The following CEP126 variants were observed in gnomAD, a reference collection of about 807,000 sequenced individuals.
The protein encoded by CEP126 is centrosomal protein of 126 kDa.
A neutral mutation model predicts 107.8 loss-of-function variants in CEP126; 74 were observed. The observed-to-expected ratio is 0.69, with a 90% CI of 0.57 to 0.83. CEP126 has a LOEUF of 0.83. Among genes scored for constraint, CEP126 ranks in the 40% least tolerant of loss-of-function variants. The probability of loss-of-function intolerance (pLI) is 0.00; values close to 1 mark genes in which losing one functional copy is unlikely to be tolerated. For synonymous variants in CEP126, 449 were observed against 446.0 expected (o/e 1.01, Z -0.08); for missense variants, 1,237 against 1,281.9 (o/e 0.96, Z 0.53).
At chr11:101,946,430 C>T (rs1940737341) in intron 3 of CEP126, among the ~76,000 whole-genome samples, 1 of 151,886 alleles carries the variant, frequency 6.6e-6, no homozygotes, top group Non-Finnish European at 1.5e-5. Flanking sequence ...GTTGCTTGAG[C>T]CAAGGAAGCG....
intron 3 of CEP126, among the ~76,000 whole-genome samples, chr11:101,946,857 C>CA (rs910388078): frequency 4.7e-5 from 7 of 149,678 alleles, no homozygotes; most frequent in Admixed American, 1.3e-4. Context: ...GCAAGACTCT[C>CA]AAAAAAAAAT....
chr11:101,973,937 A>G (rs898954212), intron 6 of CEP126, among the ~76,000 whole-genome samples: 30 of 152,102 alleles, frequency 2.0e-4, no homozygotes, highest in African/African-American at 6.5e-4. Flanking sequence ...TACATATTGT[A>G]TATACAGATC....
Position 101,961,076 on chromosome 11 carries a change from G to A in CEP126, c.706-665G>A, listed in dbSNP as rs555450638. Among the ~76,000 whole-genome samples, 12 of 152,098 alleles carry A rather than the reference G, an allele frequency of 7.9e-5. No homozygotes were observed. The South Asian group carries it at 1.5e-3, about 18-fold the overall frequency. On this transcript the variant is annotated intron_variant, in intron 5 of 10. Coordinates refer to ENST00000263468, the MANE Select transcript of CEP126 (RefSeq NM_020802.4). ...TTACTACTATGCTAAACCTCCAAAA[G>A]GAGTCATTAAAGTCAATAGTTTTTG...
At chr11:101,982,123 C>T (rs912061799) in intron 8 of CEP126, among the ~76,000 whole-genome samples, 159 bp downstream of exon 8, 1 of 152,060 alleles carries the variant, frequency 6.6e-6, no homozygotes, top group African/African-American at 2.4e-5. Context: ...TGTCAGTGTT[C>T]CTTTATTCTA....
chr11:101,923,114 G>A lies in CEP126; in HGVS notation c.248+354G>A, dbSNP rs142578035. Among the ~76,000 whole-genome samples the A allele has an allele frequency of 8.0e-3, 1,220 of 151,948 alleles. 20 individuals are homozygous for A. Among genetic ancestry groups the A allele is most frequent in the African/African-American group, 0.028 (1,160 of 41,450 alleles). ...TTACCAATTAATATTTAGTCTTTTG[G>A]TATATAGTTTGAGTTTAATTTGTTA... On this transcript the variant is annotated intron_variant, in intron 2 of 10. Transcript: ENST00000263468.
Position 101,992,777 on chromosome 11 carries a change from G to T in CEP126, c.3245-1G>T. On this transcript the variant is annotated splice_acceptor_variant, in intron 9 of 10. Coordinates refer to ENST00000263468, the MANE Select transcript of CEP126 (RefSeq NM_020802.4). LOFTEE classifies it high-confidence loss of function. ...TTGGTATTGTGATATAATTATTTCA[G>T]ATATACAAGAATCCATTTGCAAAAA... 7.0e-7 allele frequency: 1 copy of T among 1,419,246 alleles called. No homozygotes were observed. Among genetic ancestry groups the T allele is most frequent in the Non-Finnish European group, 9.6e-7 (1 of 1,040,362 alleles). 87.9% of individuals were successfully genotyped at this position (1,419,246 alleles called of 1,614,324 possible).
chr11:101,931,324 T>C (rs1940496126), intron 2 of CEP126, among the ~76,000 whole-genome samples: 1 of 152,196 alleles, frequency 6.6e-6, no homozygotes, highest in Admixed American at 6.5e-5. Flanking sequence ...TGTCGTCTTT[T>C]CCAGTCAAGT....
intron 2 of CEP126, among the ~76,000 whole-genome samples, chr11:101,939,054 A>G (rs775689441): frequency 3.3e-5 from 5 of 152,112 alleles, no homozygotes; most frequent in Non-Finnish European, 7.4e-5. Flanking sequence ...ATAAATTATT[A>G]CTGTTCTATA....
At position 101,997,119 on chromosome 11, in the gene CEP126, C is replaced by T. The variant is rs1239363401; in HGVS notation, c.3310-480C>T. On this transcript the variant is annotated intron_variant, in intron 10 of 10. Coordinates refer to ENST00000263468, the MANE Select transcript of CEP126 (RefSeq NM_020802.4). ...GTGGAGCAATCTCAGCTTACTGCAA[C>T]CTCCGCCTCCCAGGTTCAAGGGATT... Among the ~76,000 whole-genome samples, 10 of 152,286 alleles carry T rather than the reference C, an allele frequency of 6.6e-5. No individual in the cohort carries two copies. The East Asian group carries it at 1.7e-3, about 26-fold the overall frequency.
chr11:101,962,473 A>G lies in CEP126; in HGVS notation c.1438A>G (p.Ile480Val). 2 of 1,613,424 alleles carry G rather than the reference A, an allele frequency of 1.2e-6. No homozygotes were observed. Among genetic ancestry groups the G allele is most frequent in the Non-Finnish European group, 1.7e-6 (2 of 1,179,768 alleles). ...QSARPSAKNSIHIKEIDAVQC... is the reference protein window; with the variant it reads ...QSARPSAKNSVHIKEIDAVQC... ...AGCTAGACCTTCAGCAAAGAACAGT[A>G]TACACATAAAAGAAATTGATGCAGT... The change falls in exon 6 of 11, where the codon ATA becomes GTA. Residue 480 changes from isoleucine to valine, a missense_variant. By Grantham distance (29) the Ile-to-Val change is conservative. This residue lies in a region of CEP126 where 1,134 missense variants were observed against 1,150.5 expected (regional missense o/e 0.99). Coordinates refer to ENST00000263468, the MANE Select transcript of CEP126 (RefSeq NM_020802.4).
rs1940174684 is a variant in CEP126, at chr11:101,915,210, CAGG to C, written c.-64_-62del. 2.0e-5 allele frequency: 31 copies of C among 1,587,928 alleles called. 1 individual carries two copies. In the South Asian group the frequency reaches 2.9e-4, roughly 15 times the overall value. On this transcript the variant is annotated 5_prime_UTR_variant, in exon 1 of 11. Coordinates refer to ENST00000263468, the MANE Select transcript of CEP126 (RefSeq NM_020802.4). ...AGACGGAGTGTAGGGAGGGGCCGAG[CAGG>C]AGGAGGAGGAAGCCGGAGCTGCCAT... is the stretch of plus-strand genomic sequence containing the variant.
At chr11:101,971,056 C>T (rs1036687504) in intron 6 of CEP126, among the ~76,000 whole-genome samples, 8 of 152,240 alleles carry the variant, frequency 5.3e-5, no homozygotes, top group Admixed American at 5.2e-4. Context: ...GTGCAACAGC[C>T]TCCCAGGCTC....
At position 101,961,970 on chromosome 11, in the gene CEP126, G is replaced by A; in HGVS notation, c.935G>A (p.Trp312Ter). ...TCTAAAACTCAACATATAAATAATT[G>A]GCTTACAAATTTAGATGCTTCAAAT... ...AFSKTQHINN[W>*]LTNLDASNTQ... The change falls in exon 6 of 11, where the codon TGG (tryptophan) becomes TAG (stop). Residue 312 changes from tryptophan to a stop codon, truncating the protein, a stop_gained. Transcript: ENST00000263468. LOFTEE classifies it high-confidence loss of function. The A allele has an allele frequency of 1.2e-6, 2 of 1,609,834 alleles. No individual in the cohort carries two copies. Among genetic ancestry groups the A allele is most frequent in the Non-Finnish European group, 1.7e-6 (2 of 1,177,958 alleles).
At chr11:101,935,497 T>G (rs1387036961) in intron 2 of CEP126, among the ~76,000 whole-genome samples, 1 of 152,112 alleles carries the variant, frequency 6.6e-6, no homozygotes, top group Non-Finnish European at 1.5e-5. Flanking sequence ...TCATCTCAAA[T>G]TATATGTGTG....
rs549081062 is a variant in CEP126, at chr11:101,948,037, G to A, written c.401G>A (p.Arg134Gln). The change falls in exon 4 of 11, where the codon CGA (arginine) becomes CAA (glutamine). Residue 134 changes from arginine (R) to glutamine (Q), a missense_variant. By Grantham distance (43) the Arg-to-Gln change is conservative (BLOSUM62 1). Coordinates refer to ENST00000263468, the MANE Select transcript of CEP126 (RefSeq NM_020802.4). ...PLSQRRKAVSRKPVPPLEEAL... is the reference protein window; with the variant it reads ...PLSQRRKAVSQKPVPPLEEAL... ...GTCTTTATTATCTCTTTAGTTTCCCGAAAACCAGTTCCTCCATTAGAAGAG... is the reference window on the plus strand; with the variant it reads ...GTCTTTATTATCTCTTTAGTTTCCCAAAAACCAGTTCCTCCATTAGAAGAG... 80 of 1,605,142 alleles carry A rather than the reference G, an allele frequency of 5.0e-5. No homozygotes were observed. Among genetic ancestry groups the A allele is most frequent in the South Asian group, 1.1e-4 (10 of 90,132 alleles).
intron 1 of CEP126, among the ~76,000 whole-genome samples, chr11:101,922,198 C>A (rs188447122): frequency 1.4e-5 from 2 of 140,508 alleles, no homozygotes. Context: ...GAGTCTTGCT[C>A]TTGTCACCCA....
chr11:101,996,982 A>T (rs1228772085), intron 10 of CEP126, among the ~76,000 whole-genome samples: 1 of 152,210 alleles, frequency 6.6e-6, no homozygotes, highest in Non-Finnish European at 1.5e-5. Flanking sequence ...AAAGAGCTTT[A>T]AATGCAGGTT....
intron 6 of CEP126, among the ~76,000 whole-genome samples, chr11:101,977,590 C>A (rs1470463978): frequency 7.0e-6 from 1 of 142,638 alleles, no homozygotes; most frequent in African/African-American, 2.6e-5. Context: ...GAGATCGCAC[C>A]ACTGCACTCC....
In CEP126 at chr11:101,998,477, A is replaced by C; in HGVS notation, c.*834A>C. ...GTAGTCCCAGCTACTTGGGGTGCTG[A>C]GGCGGGAGGATTACTTGAGCCCAGG... is the stretch of plus-strand genomic sequence containing the variant. On this transcript the variant is annotated 3_prime_UTR_variant, in exon 11 of 11. Transcript: ENST00000263468. 6.8e-6 allele frequency: 1 copy of C among 147,948 alleles called. No homozygotes were observed. The highest frequency in any genetic ancestry group is 2.2e-4 in the South Asian group (1 of 4,582). The allele number at this position is 147,948 out of a possible 1,614,324, so 9.2% of individuals were successfully genotyped here. A position where few individuals can be genotyped will look rare whatever the true frequency, so the allele number is the denominator to read the frequency against.
Sources: allele counts gnomAD v4.1 joint callset (sites outside exome capture counted in the v4.1 genomes callset), GRCh38; gene constraint gnomAD v4.1.1; regional missense constraint gnomAD v4.1.1; transcripts MANE v1.5; gene names NCBI Gene and HGNC (gene_info 2026-07-23, HGNC 2026-07-21).